The following SLC39A11 variants were observed in gnomAD, a reference collection of about 807,000 sequenced individuals.
The protein encoded by SLC39A11 is solute carrier family 39 member 11.
In SLC39A11, 33 loss-of-function variants were observed where a neutral mutation model predicts 36.1. The ratio of observed to expected loss-of-function variants is 0.91; its 90% CI spans 0.69 to 1.22. The LOEUF is 1.22. SLC39A11 is among the 50% of genes most tolerant of loss of function. The pLI is 0.00. For missense variants in SLC39A11, 432 were observed against 430.3 expected, an observed-to-expected ratio of 1.00 and a Z score of -0.03; for synonymous variants, 166 against 170.3, an observed-to-expected ratio of 0.97 and a Z score of 0.20.
rs2081785436 is a variant in SLC39A11 at position 72,892,183 on chromosome 17, A to G, written c.431-42379T>C. Among the ~76,000 whole-genome samples the G allele has an allele frequency of 4.6e-5, 7 of 152,266 alleles. No homozygotes were observed. In the South Asian group the frequency reaches 8.3e-4, roughly 18 times the overall value. On this transcript the variant is annotated intron_variant, in intron 5 of 9. Coordinates refer to ENST00000255559, the MANE Select transcript of SLC39A11 (RefSeq NM_139177.4). ...TGTAATCTGGGAGGCCGAGGTGGGCAGATCACCTAAAGTCAGGAGTTTAAG... is the reference window on the plus strand; with the variant it reads ...TGTAATCTGGGAGGCCGAGGTGGGCGGATCACCTAAAGTCAGGAGTTTAAG...
At chr17:73,021,959 G>A (rs987048011) in intron 4 of SLC39A11, among the ~76,000 whole-genome samples, 10 of 152,236 alleles carry the variant, frequency 6.6e-5, no homozygotes, top group Non-Finnish European at 1.2e-4. Flanking sequence ...GTGTGTGCGC[G>A]CGTGTTCGTG....
At chr17:72,780,520 T>TGGGGGGGG (rs140108885) in intron 6 of SLC39A11, among the ~76,000 whole-genome samples, 1 of 55,544 alleles carries the variant, frequency 1.8e-5, no homozygotes, top group Admixed American at 2.3e-4. Context: ...GCCCTGAAGA[T>TGGGGGGGG]GGGGGGCGGG....
rs1414355760 is a variant in SLC39A11 at position 72,913,356 on chromosome 17, GCTGGAGAAATTAATC to G, written c.430+34381_430+34395del. On this transcript the variant is annotated intron_variant, in intron 5 of 9. Transcript: ENST00000255559. ...GAGACAGGGACAAAATCAAGAATGA[GCTGGAGAAATTAATC>G]CTGGAGAAAGGGAGGGACCTGACTT... Among the ~76,000 whole-genome samples the G allele has an allele frequency of 2.0e-5, 3 of 152,202 alleles. No homozygotes were observed. The East Asian group carries it at 5.8e-4, about 29-fold the overall frequency.
chr17:72,754,282 C>A (rs999718296), intron 6 of SLC39A11, among the ~76,000 whole-genome samples: 1 of 151,924 alleles, frequency 6.6e-6, no homozygotes, highest in South Asian at 2.1e-4. Context: ...CAATGGACTT[C>A]GGGGACTTGG....
rs967374097 is a variant in SLC39A11 at position 72,865,627 on chromosome 17, G to A, written c.431-15823C>T. 2.6e-5 allele frequency among the ~76,000 whole-genome samples: 4 copies of A among 151,632 alleles called. No homozygotes were observed. The East Asian group carries it at 5.8e-4, about 22-fold the overall frequency. On this transcript the variant is annotated intron_variant, in intron 5 of 9. Coordinates refer to ENST00000255559, the MANE Select transcript of SLC39A11 (RefSeq NM_139177.4). ...ATCCAGGACGCTGAAGACCCTCAAGGAAAAATGCAGCCACCAGAGAAGGAC... is the reference window on the plus strand; with the variant it reads ...ATCCAGGACGCTGAAGACCCTCAAGAAAAAATGCAGCCACCAGAGAAGGAC...
chr17:72,651,090 C>G (rs2069831504), intron 7 of SLC39A11, among the ~76,000 whole-genome samples: 1 of 152,208 alleles, frequency 6.6e-6, no homozygotes, highest in Admixed American at 6.5e-5. Context: ...CACCTCGAGT[C>G]TGCCAGTCAA....
chr17:72,905,795 C>G (rs1465854588), intron 5 of SLC39A11, among the ~76,000 whole-genome samples: 1 of 151,966 alleles, frequency 6.6e-6, no homozygotes, highest in Non-Finnish European at 1.5e-5. Flanking sequence ...GCTCTGTCGC[C>G]CAGGCTAGAG....
intron 5 of SLC39A11, among the ~76,000 whole-genome samples, chr17:72,891,841 A>T (rs879844085): frequency 4.0e-4 from 60 of 151,556 alleles, no homozygotes; most frequent in Non-Finnish European, 7.2e-4. Context: ...AAATTATTTT[A>T]AAAATGTAAA....
chr17:72,773,644 T>TACACACACACACACACAC (rs550889404), intron 6 of SLC39A11, among the ~76,000 whole-genome samples: 16 of 78,814 alleles, frequency 2.0e-4, no homozygotes, highest in African/African-American at 1.1e-3. Flanking sequence ...GAGACCATCT[T>TACACACACACACACACAC]ACACACACAC....
At chr17:73,084,925 C>A in intron 2 of SLC39A11, 79 bp from the exon 3 acceptor site, 1 of 1,457,252 alleles carries the variant, frequency 6.9e-7, no homozygotes, top group Non-Finnish European at 9.6e-7. Flanking sequence ...AACCATAAGG[C>A]CCAAAAGAGC....
At chr17:72,837,501 C>T (rs920976723) in intron 6 of SLC39A11, among the ~76,000 whole-genome samples, 6 of 152,058 alleles carry the variant, frequency 3.9e-5, no homozygotes, top group Admixed American at 1.3e-4. Context: ...AAAGAACTGG[C>T]TTCAAAGAGT....
intron 6 of SLC39A11, among the ~76,000 whole-genome samples, chr17:72,780,521 G>GT (rs939036554): frequency 1.7e-5 from 1 of 60,520 alleles, no homozygotes; most frequent in Non-Finnish European, 4.2e-5. Context: ...CCCTGAAGAT[G>GT]GGGGGCGGGT....
chr17:73,050,167 CAG>C (rs1225267525), intron 3 of SLC39A11, among the ~76,000 whole-genome samples: 13 of 151,990 alleles, frequency 8.6e-5, no homozygotes, highest in African/African-American at 2.9e-4. Flanking sequence ...TGGAGAGTAA[CAG>C]TGTGGACTCC....
intron 4 of SLC39A11, among the ~76,000 whole-genome samples, chr17:72,955,792 G>A (rs371718050): frequency 2.1e-4 from 32 of 152,194 alleles, no homozygotes; most frequent in African/African-American, 7.0e-4. Flanking sequence ...AGAACATACC[G>A]ATCTAGGGTA....
intron 5 of SLC39A11, among the ~76,000 whole-genome samples, chr17:72,892,111 G>A (rs1314592022): frequency 6.6e-6 from 1 of 152,068 alleles, no homozygotes; most frequent in Admixed American, 6.6e-5. Context: ...ATAATTTCTT[G>A]TCTAATTATA....
intron 3 of SLC39A11, among the ~76,000 whole-genome samples, chr17:73,077,793 A>G (rs2060373381): frequency 6.6e-6 from 1 of 152,158 alleles, no homozygotes; most frequent in Non-Finnish European, 1.5e-5. Context: ...TAAGGAAATT[A>G]CATCTTAAAT....
At chr17:72,900,720 G>A (rs906551336) in intron 5 of SLC39A11, among the ~76,000 whole-genome samples, 1 of 152,160 alleles carries the variant, frequency 6.6e-6, no homozygotes, top group Non-Finnish European at 1.5e-5. Context: ...ATTGATGGGT[G>A]AGCACTTCAA....
At chr17:72,707,490 A>G (rs758422133) in intron 7 of SLC39A11, among the ~76,000 whole-genome samples, 23 of 152,218 alleles carry the variant, frequency 1.5e-4, no homozygotes, top group Admixed American at 8.5e-4. Flanking sequence ...ACCTGTCCCA[A>G]GTGAGAATAT....
intron 6 of SLC39A11, among the ~76,000 whole-genome samples, chr17:72,847,701 C>T (rs780798096): frequency 6.6e-5 from 10 of 151,914 alleles, no homozygotes; most frequent in South Asian, 2.1e-4. Flanking sequence ...ACTTTAAAGA[C>T]GACAAAAAAA....
Sources: gnomAD v4.1 joint callset for allele counts (sites outside exome capture counted in the v4.1 genomes callset) on GRCh38, gnomAD v4.1.1 for gene constraint, MANE v1.5 for transcripts, NCBI Gene and HGNC (gene_info 2026-07-23, HGNC 2026-07-21) for gene names.